PCDHGA4: variants seen among roughly 807,000 people sequenced by gnomAD.
PCDHGA4 encodes protocadherin gamma subfamily A, 4.
In PCDHGA4, 38 loss-of-function variants were observed where a neutral mutation model predicts 54.6. The observed-to-expected ratio is 0.70, with a 90% CI of 0.54 to 0.91. The LOEUF is 0.91. PCDHGA4 is among the 40% of genes least tolerant of loss of function. The pLI, the probability that PCDHGA4 is intolerant of heterozygous loss-of-function variation, is 0.00. For synonymous variants in PCDHGA4, 511 were observed against 512.9 expected, an observed-to-expected ratio of 1.00 and a Z score of 0.05; for missense variants, 1,298 against 1,220.9, an observed-to-expected ratio of 1.06 and a Z score of -0.94.
intron 1 of PCDHGA4, chr5:141,423,850 A>G: frequency 1.6e-6 from 2 of 1,278,674 alleles, no homozygotes; most frequent in East Asian, 3.1e-5. Flanking sequence ...ATCTTTCAGA[A>G]CGTTTTTGTG....
At chr5:141,457,532 T>C (rs2098923599) in intron 1 of PCDHGA4, among the ~76,000 whole-genome samples, 1 of 152,058 alleles carries the variant, frequency 6.6e-6, no homozygotes, top group Admixed American at 6.6e-5. Flanking sequence ...GAGACTAGGG[T>C]TTAATGACAA....
intron 1 of PCDHGA4, among the ~76,000 whole-genome samples, chr5:141,443,832 A>G (rs2098407108): frequency 6.6e-6 from 1 of 152,224 alleles, no homozygotes; most frequent in African/African-American, 2.4e-5. Context: ...ATTAGGTAAA[A>G]TGGGTAATAT....
chr5:141,417,185 A>C (rs2096092787), intron 1 of PCDHGA4: 1 of 152,216 alleles, frequency 6.6e-6, no homozygotes, highest in Admixed American at 6.5e-5. Context: ...AGGAATTATT[A>C]CTTTCTGGGT....
intron 1 of PCDHGA4, chr5:141,426,680 T>C (rs1261836011): frequency 2.3e-6 from 1 of 431,334 alleles, no homozygotes; most frequent in East Asian, 7.2e-5. Flanking sequence ...CACCTCATTT[T>C]CCCCAAAATA....
At chr5:141,386,290 A>T (rs2090519757) in intron 1 of PCDHGA4, among the ~76,000 whole-genome samples, 1 of 152,214 alleles carries the variant, frequency 6.6e-6, no homozygotes, top group African/African-American at 2.4e-5. Flanking sequence ...TTTGTATAAC[A>T]TTTTAGTAAA....
intron 1 of PCDHGA4, chr5:141,365,598 C>G (rs772367194): frequency 1.2e-6 from 2 of 1,613,672 alleles, no homozygotes; most frequent in Non-Finnish European, 1.7e-6. Flanking sequence ...ATCACTTTAA[C>G]CGTCATGGAC....
chr5:141,485,003 A>G lies in PCDHGA4; in HGVS notation c.2515-9804A>G. On this transcript the variant is annotated intron_variant, in intron 1 of 3. Coordinates refer to ENST00000571252, the MANE Select transcript of PCDHGA4 (RefSeq NM_018917.4). The surrounding 1 kb of genome is among the most constrained non-coding windows in gnomAD (Gnocchi z 5.7). ...CAATCGGGTGGTGAAAGGCAGACAA[A>G]TCTACCCCGCCACCAGCAAAAACGG... 1 of 620,758 alleles carries G rather than the reference A, an allele frequency of 1.6e-6. No homozygotes were observed. The highest frequency in any genetic ancestry group is 2.0e-5 in the South Asian group (1 of 50,492). The allele number at this position is 620,758 out of a possible 1,614,324, so 38.5% of individuals were successfully genotyped here.
intron 1 of PCDHGA4, chr5:141,419,669 C>T: frequency 6.2e-7 from 1 of 1,612,840 alleles, no homozygotes; most frequent in Non-Finnish European, 8.5e-7. Context: ...CAATGCCTGG[C>T]TGTCCTACCA....
At position 141,413,407 on chromosome 5, in the gene PCDHGA4, C is replaced by G. The variant is rs372466798; in HGVS notation, c.2514+55786C>G. The G allele has an allele frequency of 3.3e-5, 53 of 1,613,926 alleles. No homozygotes were observed. Among genetic ancestry groups the G allele is most frequent in the Middle Eastern group, 1.6e-4 (1 of 6,082 alleles). ...CATAGTCTCCAGAGGTAGGACGCAG[C>G]TTTTCTCTCTGAACCCGCGCAGCGG... On this transcript the variant is annotated intron_variant, in intron 1 of 3. Transcript: ENST00000571252.
In PCDHGA4 at chr5:141,461,259, T is replaced by C. The variant is rs114101293; in HGVS notation, c.2515-33548T>C. Among the ~76,000 whole-genome samples the C allele has an allele frequency of 4.2e-3, 640 of 152,290 alleles. 5 individuals are homozygous for C. The highest frequency in any genetic ancestry group is 0.015 in the African/African-American group (623 of 41,554). On this transcript the variant is annotated intron_variant, in intron 1 of 3. Coordinates refer to ENST00000571252, the MANE Select transcript of PCDHGA4 (RefSeq NM_018917.4). ...TACTAATTTATATTCCCAGCAGCAA[T>C]GTGTAAGTGTTCTCTTTTCCCCACA...
chr5:141,404,271 T>A, intron 1 of PCDHGA4: 1 of 1,614,000 alleles, frequency 6.2e-7, no homozygotes, highest in Non-Finnish European at 8.5e-7. Flanking sequence ...CACATCACCC[T>A]GCAAGTGACT....
intron 1 of PCDHGA4, chr5:141,365,865 G>A (rs1444429243): frequency 1.9e-6 from 3 of 1,614,056 alleles, no homozygotes; most frequent in Non-Finnish European, 2.5e-6. Context: ...TCTGACACCG[G>A]TGTCCTGTAT....
chr5:141,398,083 C>G, intron 1 of PCDHGA4: 1 of 1,599,552 alleles, frequency 6.3e-7, no homozygotes, highest in Non-Finnish European at 8.5e-7. Context: ...TTATTTGTAA[C>G]CTGGCGTCTC....
At chr5:141,418,489 G>C (rs774653264) in intron 1 of PCDHGA4, 26 of 1,613,874 alleles carry the variant, frequency 1.6e-5, no homozygotes, top group Admixed American at 1.5e-4. Context: ...CTCACCACTT[G>C]GTACTGACCG....
chr5:141,428,121 G>T (rs764584436), intron 1 of PCDHGA4: 1 of 1,605,860 alleles, frequency 6.2e-7, no homozygotes. Context: ...CATCGAGCCC[G>T]GGCTTTTCAG....
intron 1 of PCDHGA4, chr5:141,376,712 C>A (rs1323983418): frequency 3.2e-6 from 2 of 620,108 alleles, no homozygotes; most frequent in South Asian, 2.1e-5. Context: ...CGGAGTCTCG[C>A]TCTGTCGCCC....
chr5:141,375,411 C>T lies in PCDHGA4; in HGVS notation c.2514+17790C>T, dbSNP rs73265852. Reference sequence around the variant, plus strand: ...GAAACAATCATCTCTCTAAATGTGGCAGACACCAACGACAACCCGCCCACC... The same window carrying T: ...GAAACAATCATCTCTCTAAATGTGGTAGACACCAACGACAACCCGCCCACC... On this transcript the variant is annotated intron_variant, in intron 1 of 3. Coordinates refer to ENST00000571252, the MANE Select transcript of PCDHGA4 (RefSeq NM_018917.4). 1.5e-3 allele frequency: 2,401 copies of T among 1,613,970 alleles called. 32 individuals are homozygous for T. In the African/African-American group the frequency reaches 0.028, roughly 19 times the overall value.
At position 141,388,041 on chromosome 5, in the gene PCDHGA4, G is replaced by C. The variant is rs2091214564; in HGVS notation, c.2514+30420G>C. The C allele has an allele frequency of 2.1e-6, 3 of 1,416,086 alleles. No homozygotes were observed. The African/African-American group carries it at 4.3e-5, about 20-fold the overall frequency. The allele number at this position is 1,416,086 out of a possible 1,614,324, so 87.7% of individuals were successfully genotyped here. ...CTCCGTAGTGGGGAACCTCGCCACG[G>C]ACCTGGGGTTCAGCGTCCAGGAGTT... On this transcript the variant is annotated intron_variant, in intron 1 of 3. Transcript: ENST00000571252.
At chr5:141,464,137 C>T (rs1015442185) in intron 1 of PCDHGA4, among the ~76,000 whole-genome samples, 9 of 151,928 alleles carry the variant, frequency 5.9e-5, no homozygotes, top group Non-Finnish European at 7.4e-5. Context: ...TGGTGGTGGG[C>T]GCCTGTAGTC....
Sources: gnomAD v4.1 joint callset for allele counts (sites outside exome capture counted in the v4.1 genomes callset) on GRCh38, gnomAD v4.1.1 for gene constraint, Gnocchi (gnomAD v3.1) non-coding constraint, MANE v1.5 for transcripts, NCBI Gene and HGNC (gene_info 2026-07-23, HGNC 2026-07-21) for gene names.